Variants in SULF1 observed in about 807,000 individuals in gnomAD.
SULF1 encodes sulfatase 1, also known as extracellular sulfatase Sulf-1.
Under a neutral mutation model 110.5 loss-of-function variants are expected in SULF1, and 46 were observed. That is an observed-to-expected ratio of 0.42 (90% confidence interval 0.33 to 0.53). The LOEUF (loss-of-function observed/expected upper bound fraction) is 0.53. Ranked by LOEUF, SULF1 falls within the 20% of genes least tolerant of loss-of-function variation. SULF1 has a pLI of 0.12. For missense variants in SULF1, 941 were observed against 1,094.2 expected, an observed-to-expected ratio of 0.86 and a Z score of 1.98; for synonymous variants, 371 against 387.1, an observed-to-expected ratio of 0.96 and a Z score of 0.49.
At chr8:69,583,631 G>A (rs915218906) in intron 6 of SULF1, among the ~76,000 whole-genome samples, 6 of 152,048 alleles carry the variant, frequency 3.9e-5, no homozygotes, top group Non-Finnish European at 5.9e-5. Flanking sequence ...TCTAGACCTC[G>A]TAAAGTCCCC....
chr8:69,643,980 G>A (rs1811681588), intron 22 of SULF1, among the ~76,000 whole-genome samples: 1 of 152,238 alleles, frequency 6.6e-6, no homozygotes, highest in African/African-American at 2.4e-5. Context: ...CCTGGCAGCC[G>A]TGGCCATGTG....
Position 69,623,977 on chromosome 8 carries a change from C to G in SULF1, c.1630C>G (p.Arg544Gly). 1 of 1,614,110 alleles carries G rather than the reference C, an allele frequency of 6.2e-7. No homozygotes were observed. Among genetic ancestry groups the G allele is most frequent in the Non-Finnish European group, 8.5e-7 (1 of 1,180,002 alleles). The change falls in exon 15 of 23, where the codon CGT becomes GGT. Residue 544 changes from arginine to glycine, a missense_variant. This residue lies in a region of SULF1 where 822 missense variants were observed against 934.3 expected (regional missense o/e 0.88). Coordinates refer to ENST00000402687, the MANE Select transcript of SULF1 (RefSeq NM_001128205.2). ...CAGATTTGTCCATACTCGGCAGACA[C>G]GTTCCTTGTCCGTCGAATTTGAAGG... ...KPRFVHTRQT[R>G]SLSVEFEGEI... is the part of the protein sequence containing the mutation.
chr8:69,559,053 A>G (rs909918681), intron 3 of SULF1, among the ~76,000 whole-genome samples: 8 of 152,216 alleles, frequency 5.3e-5, no homozygotes, highest in Admixed American at 3.3e-4. Flanking sequence ...CTGCTTCTAC[A>G]TTCAGTCTGT....
chr8:69,601,493 C>G (rs141222482), intron 9 of SULF1, among the ~76,000 whole-genome samples, 161 bp from the exon 10 acceptor site: 5 of 152,310 alleles, frequency 3.3e-5, no homozygotes, highest in African/African-American at 9.6e-5. Flanking sequence ...CCTTTCCCTC[C>G]CAGACTGTAA....
intron 3 of SULF1, among the ~76,000 whole-genome samples, chr8:69,548,346 A>G (rs984254536): frequency 7.9e-5 from 12 of 152,138 alleles, no homozygotes; most frequent in African/African-American, 2.2e-4. Flanking sequence ...ATTTCAAACA[A>G]TGTTGATCTG....
chr8:69,478,444 A>C (rs1809391625), intron 1 of SULF1, among the ~76,000 whole-genome samples: 2 of 152,038 alleles, frequency 1.3e-5, no homozygotes, highest in Non-Finnish European at 2.9e-5. Context: ...CACTCCCCCT[A>C]TACACTTTCT....
At chr8:69,598,110 C>CAA (rs35655573) in intron 8 of SULF1, among the ~76,000 whole-genome samples, 3,710 of 139,254 alleles carry the variant, frequency 0.027, 48 homozygotes, top group South Asian at 0.047. Flanking sequence ...TCTTTCAGGC[C>CAA]AAAAAAAAAA....
At chr8:69,540,677 G>A (rs966048344) in intron 3 of SULF1, among the ~76,000 whole-genome samples, 2 of 152,146 alleles carry the variant, frequency 1.3e-5, no homozygotes, top group African/African-American at 4.8e-5. Flanking sequence ...GTGCATTGGT[G>A]ACCATGGTCA....
chr8:69,519,262 T>C (rs1197236597), intron 3 of SULF1, among the ~76,000 whole-genome samples: 1 of 152,206 alleles, frequency 6.6e-6, no homozygotes, highest in Non-Finnish European at 1.5e-5. Flanking sequence ...AGGGACTCAT[T>C]CATCTCTGCA....
intron 22 of SULF1, among the ~76,000 whole-genome samples, chr8:69,652,448 C>G (rs1812416525): frequency 6.6e-6 from 1 of 152,220 alleles, no homozygotes; most frequent in Non-Finnish European, 1.5e-5. Flanking sequence ...TTAGTATTCT[C>G]TTTTCATTGA....
chr8:69,585,186 C>A (rs1166210023), intron 6 of SULF1, among the ~76,000 whole-genome samples: 1 of 152,042 alleles, frequency 6.6e-6, no homozygotes. Context: ...TATACATACA[C>A]GCACACATGC....
intron 2 of SULF1, among the ~76,000 whole-genome samples, chr8:69,497,342 G>C (rs532313079): frequency 2.6e-5 from 4 of 151,834 alleles, no homozygotes; most frequent in Non-Finnish European, 5.9e-5. Flanking sequence ...ATTTTTAGTA[G>C]AGACGGGGTT....
At chr8:69,509,798 A>G (rs2150586745) in intron 3 of SULF1, among the ~76,000 whole-genome samples, 1 of 152,352 alleles carries the variant, frequency 6.6e-6, no homozygotes, top group East Asian at 1.9e-4. Flanking sequence ...AATTTTTTCA[A>G]ATGTCATATA....
Position 69,480,943 on chromosome 8 carries a change from T to C in SULF1, c.-391+13993T>C, listed in dbSNP as rs188554308. On this transcript the variant is annotated intron_variant, in intron 1 of 22. Coordinates refer to the SULF1 transcript ENST00000260128. Reference sequence around the variant, plus strand: ...AGGAGATATACCTAATGCTAAATGATGAGTTAATGGGTGCAGCACACCAGC... The same window carrying C: ...AGGAGATATACCTAATGCTAAATGACGAGTTAATGGGTGCAGCACACCAGC... 6.0e-4 allele frequency among the ~76,000 whole-genome samples: 91 copies of C among 151,272 alleles called. 1 individual carries two copies. In the East Asian group the frequency reaches 0.017, roughly 29 times the overall value.
chr8:69,518,072 A>C (rs1329757791), intron 3 of SULF1, among the ~76,000 whole-genome samples: 2 of 152,168 alleles, frequency 1.3e-5, no homozygotes, highest in Non-Finnish European at 2.9e-5. Flanking sequence ...CATATCTGCA[A>C]ACTTTTAAGT....
In SULF1 at chr8:69,589,173, G is replaced by A. The variant is rs144460641; in HGVS notation, c.734+32G>A. On this transcript the variant is annotated intron_variant, in intron 8 of 22. Coordinates refer to ENST00000402687, the MANE Select transcript of SULF1 (RefSeq NM_001128205.2). The stretch of plus-strand genomic sequence containing the variant: ...AACAAACTCAACTCTGCGACCTGCC[G>A]AACATGCCTTTCCCTTTTCTCCTCA... 2.5e-5 allele frequency: 40 copies of A among 1,596,834 alleles called. No homozygotes were observed. In the South Asian group the frequency reaches 2.8e-4, roughly 11 times the overall value.
Position 69,593,579 on chromosome 8 carries a change from G to A in SULF1, c.734+4438G>A, listed in dbSNP as rs569755029. Among the ~76,000 whole-genome samples, 5 of 152,286 alleles carry A rather than the reference G, an allele frequency of 3.3e-5. No homozygotes were observed. The South Asian group carries it at 1.0e-3, about 32-fold the overall frequency. ...GTGTTTGCCGTTCCCAACAAAGAGA[G>A]GAAGCCAGTTCGCTATTGGCCTGTT... On this transcript the variant is annotated intron_variant, in intron 8 of 22. Coordinates refer to ENST00000402687, the MANE Select transcript of SULF1 (RefSeq NM_001128205.2).
In SULF1 at chr8:69,627,214, T is replaced by C. The variant is rs768635332; in HGVS notation, c.1855T>C (p.Phe619Leu). Residue 619 changes from phenylalanine (F) to leucine (L), a missense_variant, in exon 16 of 23, where the codon TTT (phenylalanine) becomes CTT (leucine). Physicochemically the swap from Phe to Leu is conservative, Grantham distance 22. Around this residue, in one of 3 missense-constraint regions of SULF1, gnomAD observed 822 missense variants for 934.3 expected, o/e 0.88. Transcript: ENST00000402687. ...PTTVRVTHKC[F>L]ILPNDSIHCE... ...TGGTTTTGGTTTGTTTTGCAGGTGTTTTATTCTTCCCAATGACTCTATCCA... is the reference window on the plus strand; with the variant it reads ...TGGTTTTGGTTTGTTTTGCAGGTGTCTTATTCTTCCCAATGACTCTATCCA... 2 of 1,613,928 alleles carry C rather than the reference T, an allele frequency of 1.2e-6. No individual in the cohort carries two copies. Among genetic ancestry groups the C allele is most frequent in the Non-Finnish European group, 8.5e-7 (1 of 1,179,782 alleles).
chr8:69,614,541 T>C (rs942868189), intron 13 of SULF1, among the ~76,000 whole-genome samples: 28 of 152,268 alleles, frequency 1.8e-4, no homozygotes, highest in Non-Finnish European at 3.4e-4. Flanking sequence ...GCGTTTGACA[T>C]ATTTCTCATT....
Sources: allele counts gnomAD v4.1 joint callset (sites outside exome capture counted in the v4.1 genomes callset), GRCh38; gene constraint gnomAD v4.1.1; regional missense constraint gnomAD v4.1.1; transcripts MANE v1.5; gene names NCBI Gene and HGNC (gene_info 2026-07-23, HGNC 2026-07-21).